TMEM132B: variants seen among roughly 807,000 people sequenced by gnomAD.
TMEM132B encodes transmembrane protein 132B.
TMEM132B carries 18 observed loss-of-function variants against 90.8 expected under a neutral mutation model. The ratio of observed to expected loss-of-function variants is 0.20; its 90% CI spans 0.14 to 0.29. The LOEUF is 0.29. Ranked by LOEUF, TMEM132B falls within the 10% of genes least tolerant of loss-of-function variation. The probability of loss-of-function intolerance (pLI) is 1.00; values close to 1 mark genes in which losing one functional copy is unlikely to be tolerated. For missense variants in TMEM132B, 1,096 were observed against 1,326.8 expected (o/e 0.83, Z 2.70); for synonymous variants, 504 against 523.3 (o/e 0.96, Z 0.50).
chr12:125,528,964 C>T (rs1417121093), intron 4 of TMEM132B, among the ~76,000 whole-genome samples: 1 of 139,928 alleles, frequency 7.1e-6, no homozygotes, highest in African/African-American at 2.6e-5. Flanking sequence ...TTTCTTCCCC[C>T]CTCTTTCTTT....
intron 3 of TMEM132B, among the ~76,000 whole-genome samples, chr12:125,461,793 C>T (rs1209545667): frequency 6.6e-6 from 1 of 152,224 alleles, no homozygotes; most frequent in African/African-American, 2.4e-5. Flanking sequence ...TTCCTCCCGG[C>T]GCTGCCAGGC....
chr12:125,288,462 CA>C (rs11423298), intron 1 of TMEM132B, among the ~76,000 whole-genome samples: 1,825 of 102,886 alleles, frequency 0.018, 26 homozygotes, highest in African/African-American at 0.067. Context: ...GACTCCATCT[CA>C]AAAAAAAAAA....
chr12:125,472,768 C>T (rs2136502620), intron 3 of TMEM132B, among the ~76,000 whole-genome samples: 1 of 152,224 alleles, frequency 6.6e-6, no homozygotes. Flanking sequence ...GAGGAACGGG[C>T]CCTCTGGAGA....
chr12:125,489,591 T>C (rs2136552921), intron 3 of TMEM132B, among the ~76,000 whole-genome samples: 1 of 152,130 alleles, frequency 6.6e-6, no homozygotes, highest in South Asian at 2.1e-4. Flanking sequence ...TTTTTTCTTT[T>C]TGTAGAGATG....
intron 1 of TMEM132B, among the ~76,000 whole-genome samples, chr12:125,232,943 T>C (rs1873858790): frequency 6.6e-6 from 1 of 152,232 alleles, no homozygotes; most frequent in African/African-American, 2.4e-5. Context: ...TCTCAACTTC[T>C]TAATCTGTGA....
At chr12:125,312,408 C>T (rs1876145165) in intron 1 of TMEM132B, among the ~76,000 whole-genome samples, 1 of 152,252 alleles carries the variant, frequency 6.6e-6, no homozygotes. Context: ...TTGCTCTGGA[C>T]ATGGGCTCAG....
chr12:125,533,604 G>T (rs772607339), intron 4 of TMEM132B, among the ~76,000 whole-genome samples: 5 of 152,238 alleles, frequency 3.3e-5, no homozygotes, highest in Non-Finnish European at 7.3e-5. Flanking sequence ...GAAGGACCTC[G>T]TGGGCGATGG....
intron 3 of TMEM132B, among the ~76,000 whole-genome samples, chr12:125,506,168 A>C (rs1882844218): frequency 6.6e-6 from 1 of 152,246 alleles, no homozygotes; most frequent in African/African-American, 2.4e-5. Context: ...CTTCTGAACA[A>C]CAGAATCCTA....
At chr12:125,221,951 CATGGAGCGGTT>C (rs1873569612) in intron 1 of TMEM132B, among the ~76,000 whole-genome samples, 1 of 152,206 alleles carries the variant, frequency 6.6e-6, no homozygotes, top group African/African-American at 2.4e-5. Context: ...GACGCCTGCT[CATGGAGCGGTT>C]GTGGAGCCCC....
At chr12:125,203,723 C>T (rs917783552) in intron 1 of TMEM132B, among the ~76,000 whole-genome samples, 32 of 152,034 alleles carry the variant, frequency 2.1e-4, no homozygotes, top group African/African-American at 7.7e-4. Flanking sequence ...TAATTTTTTC[C>T]TCTTCCCTTG....
chr12:125,258,902 C>A (rs963207801), intron 1 of TMEM132B, among the ~76,000 whole-genome samples: 9 of 152,120 alleles, frequency 5.9e-5, no homozygotes, highest in Non-Finnish European at 1.0e-4. Context: ...GGAGAAGGAG[C>A]CATCCTTGGA....
chr12:125,195,318 C>A (rs1211708201), intron 1 of TMEM132B, among the ~76,000 whole-genome samples: 3 of 150,778 alleles, frequency 2.0e-5, no homozygotes, highest in Admixed American at 1.3e-4. Context: ...ACACACCGTT[C>A]ATTACCTGGT....
chr12:125,290,011 G>GAT (rs1875489786), intron 1 of TMEM132B, among the ~76,000 whole-genome samples: 1 of 152,124 alleles, frequency 6.6e-6, no homozygotes, highest in Middle Eastern at 3.2e-3. Context: ...TTAAATCAAA[G>GAT]ATATACCATG....
At chr12:125,225,408 C>G (rs1440810553) in intron 1 of TMEM132B, among the ~76,000 whole-genome samples, 1 of 152,216 alleles carries the variant, frequency 6.6e-6, no homozygotes, top group African/African-American at 2.4e-5. Flanking sequence ...GAGATCAGGT[C>G]CCTGTGTGAC....
At chr12:125,385,300 TA>T (rs201228211) in intron 2 of TMEM132B, among the ~76,000 whole-genome samples, 26 of 151,784 alleles carry the variant, frequency 1.7e-4, no homozygotes, top group African/African-American at 4.3e-4. Context: ...TTTGAAGGGA[TA>T]AAAAAAAACT....
At chr12:125,564,225 A>G (rs1884610167) in intron 4 of TMEM132B, among the ~76,000 whole-genome samples, 1 of 152,254 alleles carries the variant, frequency 6.6e-6, no homozygotes, top group African/African-American at 2.4e-5. Context: ...TGATAATAAA[A>G]TAGCAAATTG....
At chr12:125,190,663 G>A (rs1256863281) in intron 1 of TMEM132B, among the ~76,000 whole-genome samples, 2 of 37,598 alleles carry the variant, frequency 5.3e-5, no homozygotes, top group African/African-American at 9.9e-5. Flanking sequence ...TGGTGATGGG[G>A]AAGGGGTGGT....
chr12:125,187,817 G>C (rs1233827876), intron 1 of TMEM132B, among the ~76,000 whole-genome samples: 1 of 130,724 alleles, frequency 7.6e-6, no homozygotes, highest in African/African-American at 3.0e-5. Flanking sequence ...TAAAGGCTCA[G>C]ATGAACCCCG....
intron 2 of TMEM132B, among the ~76,000 whole-genome samples, chr12:125,381,689 AATGT>A (rs1878688078): frequency 6.6e-6 from 1 of 151,712 alleles, no homozygotes; most frequent in Admixed American, 6.6e-5. Flanking sequence ...TGTGTGTGTG[AATGT>A]ATGTATGTGT....
Sources: gnomAD v4.1 joint callset for allele counts (sites outside exome capture counted in the v4.1 genomes callset) on GRCh38, gnomAD v4.1.1 for gene constraint, MANE v1.5 for transcripts, NCBI Gene and HGNC (gene_info 2026-07-23, HGNC 2026-07-21) for gene names.